The following TRPV1 variants were observed in gnomAD, a reference collection of about 807,000 sequenced individuals.
TRPV1 encodes the protein OTRPC1.
Under a neutral mutation model 82.3 loss-of-function variants are expected in TRPV1, and 82 were observed. That is an observed-to-expected ratio of 1.00 (90% CI 0.83 to 1.20). TRPV1 has a LOEUF of 1.20. Ranked by LOEUF, TRPV1 falls within the 50% of genes most tolerant of loss-of-function variation. TRPV1 has a pLI of 0.00. For missense variants in TRPV1, 1,067 were observed against 1,096.8 expected, an observed-to-expected ratio of 0.97 and a Z score of 0.38; for synonymous variants, 515 against 467.7, an observed-to-expected ratio of 1.10 and a Z score of -1.30.
Position 3,565,893 on chromosome 17 carries a change from C to T in TRPV1, c.*922G>A, listed in dbSNP as rs1038232233. 5 of 152,200 alleles carry T rather than the reference C, an allele frequency of 3.3e-5. No individual in the cohort carries two copies. The highest frequency in any genetic ancestry group is 5.9e-5 in the Non-Finnish European group (4 of 68,060). 9.4% of individuals were successfully genotyped at this position (152,200 alleles called of 1,614,324 possible). A position where few individuals can be genotyped will look rare whatever the true frequency, so the allele number is the denominator to read the frequency against. On this transcript the variant is annotated 3_prime_UTR_variant, in exon 17 of 17. Coordinates refer to ENST00000572705, the MANE Select transcript of TRPV1 (RefSeq NM_080704.4). ...CTAATAATATAAAATCAAAGAAGGCCGAGCGCAGCGGCTCACACCTGTAAT... is the reference window on the plus strand; with the variant it reads ...CTAATAATATAAAATCAAAGAAGGCTGAGCGCAGCGGCTCACACCTGTAAT...
chr17:3,577,538 C>T (rs2074950381), intron 12 of TRPV1, 60 bp downstream of exon 12: 1 of 1,533,358 alleles, frequency 6.5e-7, no homozygotes, highest in Non-Finnish European at 8.8e-7. Context: ...TTGGCCCCAT[C>T]TCACATGACC....
At chr17:3,575,593 C>T (rs1342033333) in intron 13 of TRPV1, among the ~76,000 whole-genome samples, 2 of 152,120 alleles carry the variant, frequency 1.3e-5, no homozygotes, top group African/African-American at 4.8e-5. Context: ...GAGAAACAGG[C>T]TAGTCACATA....
chr17:3,601,515 T>C, intron 2 of TRPV1, among the ~76,000 whole-genome samples: 1 of 151,680 alleles, frequency 6.6e-6, no homozygotes, highest in East Asian at 1.9e-4. Context: ...AGTACCCCAC[T>C]TAACCCATCT....
At chr17:3,570,381 A>G (rs963614182) in intron 16 of TRPV1, among the ~76,000 whole-genome samples, 1 of 152,034 alleles carries the variant, frequency 6.6e-6, no homozygotes, top group African/African-American at 2.4e-5. Flanking sequence ...GGAAAAAAAA[A>G]AAAAAAAGTT....
chr17:3,593,299 G>A (rs1166250620), intron 2 of TRPV1, among the ~76,000 whole-genome samples: 1 of 152,128 alleles, frequency 6.6e-6, no homozygotes, highest in African/African-American at 2.4e-5. Flanking sequence ...TGTATTTTTA[G>A]TAGAGACAGG....
chr17:3,572,989 A>G lies in TRPV1; in HGVS notation c.2103+644T>C, dbSNP rs1467342297. ...CAGAGTAAGACTCCATCTCAGAAAA[A>G]AAAAAAAAAAAAAAAAAAAAGGAAC... On this transcript the variant is annotated intron_variant, in intron 14 of 16. Coordinates refer to ENST00000572705, the MANE Select transcript of TRPV1 (RefSeq NM_080704.4). 2.9e-4 allele frequency among the ~76,000 whole-genome samples: 8 copies of G among 27,924 alleles called. No individual in the cohort carries two copies. In the South Asian group the frequency reaches 7.1e-3, roughly 25 times the overall value. The allele number at this position is 27,924 out of a possible 152,430, so 18.3% of individuals were successfully genotyped here.
chr17:3,588,427 C>T, intron 7 of TRPV1, 60 bp from the exon 8 acceptor site: 1 of 1,514,970 alleles, frequency 6.6e-7, no homozygotes, highest in Non-Finnish European at 8.9e-7. Context: ...TCAGACAGTA[C>T]CTCAACAACC....
intron 16 of TRPV1, 40 bp from the exon 17 acceptor site, chr17:3,567,027 C>T: frequency 6.2e-7 from 1 of 1,603,264 alleles, no homozygotes; most frequent in South Asian, 1.1e-5. Context: ...TGCAACAAAA[C>T]AAACATTCAC....
intron 9 of TRPV1, 83 bp from the exon 10 acceptor site, chr17:3,583,513 C>A (rs764341022): frequency 8.6e-7 from 1 of 1,167,530 alleles, no homozygotes; most frequent in Non-Finnish European, 1.2e-6. Flanking sequence ...AAGCCATAGT[C>A]CCTGCCCAGG....
At chr17:3,595,874 G>C (rs201805058) in intron 2 of TRPV1, 4 of 152,310 alleles carry the variant, frequency 2.6e-5, no homozygotes, top group African/African-American at 9.7e-5. Context: ...CAGGGAACGG[G>C]GTGGGACAGG....
intron 16 of TRPV1, among the ~76,000 whole-genome samples, chr17:3,567,696 C>T (rs1229277140): frequency 1.3e-5 from 2 of 150,928 alleles, no homozygotes; most frequent in African/African-American, 4.9e-5. Flanking sequence ...CTCTGGGTGA[C>T]GAGCACCAGC....
intron 14 of TRPV1, 95 bp downstream of exon 14, chr17:3,573,538 A>AC (rs1555548992): frequency 5.5e-4 from 136 of 248,646 alleles, no homozygotes; most frequent in Non-Finnish European, 8.7e-4. Context: ...CACCGCCCCC[A>AC]CCACCCACCC....
intron 14 of TRPV1, among the ~76,000 whole-genome samples, chr17:3,573,211 CCT>C (rs1178344450): frequency 1.3e-5 from 2 of 152,138 alleles, no homozygotes; most frequent in African/African-American, 4.8e-5. Context: ...TAGCTGCTCC[CCT>C]GAGTCTGGCC....
chr17:3,592,328 T>G lies in TRPV1; in HGVS notation c.23A>C (p.Asp8Ala), dbSNP rs766771259. The G allele has an allele frequency of 2.5e-6, 4 of 1,595,510 alleles. No homozygotes were observed. The highest frequency in any genetic ancestry group is 3.4e-6 in the Non-Finnish European group (4 of 1,170,758). Residue 8 changes from aspartate (D) to alanine (A), a missense_variant, in exon 3 of 17, where the codon GAC becomes GCC. Transcript: ENST00000572705. ...GAGTGGGTCCGCAGCTGCCCCCAAG[T>G]CTGTGCTGCTCCATTTCTTCATCCT... is the stretch of plus-strand genomic sequence containing the variant. MKKWSST[D>A]LGAAADPLQK...
rs1298366724 is a variant in TRPV1 at position 3,591,118 on chromosome 17, TGAAA to T, written c.452-6_452-3del. 1 of 1,611,698 alleles carries T rather than the reference TGAAA, an allele frequency of 6.2e-7. No individual in the cohort carries two copies. Among genetic ancestry groups the T allele is most frequent in the Non-Finnish European group, 8.5e-7 (1 of 1,179,076 alleles). On this transcript the variant is annotated splice_region_variant and splice_polypyrimidine_tract_variant and intron_variant, in intron 4 of 16. Transcript: ENST00000572705. The stretch of plus-strand genomic sequence containing the variant: ...GACAGGTCTTCCCTGTCTCAGGGTC[TGAAA>T]GACATAAGGGAGGGTCAGGGCAGGC...
At chr17:3,574,466 T>C (rs920667580) in intron 13 of TRPV1, among the ~76,000 whole-genome samples, 1 of 152,196 alleles carries the variant, frequency 6.6e-6, no homozygotes, top group African/African-American at 2.4e-5. Context: ...CTGTACCTAC[T>C]GAAATGCAGG....
Position 3,566,344 on chromosome 17 carries a change from ATT to A in TRPV1, c.*469_*470del, listed in dbSNP as rs1263652492. On this transcript the variant is annotated 3_prime_UTR_variant, in exon 17 of 17. Coordinates refer to ENST00000572705, the MANE Select transcript of TRPV1 (RefSeq NM_080704.4). ...CATATCTATTAAAAAAATACAAAAA[ATT>A]AGCCAGACATGGTGGCACGTGCCTG... 6.6e-6 allele frequency: 1 copy of A among 152,522 alleles called. No homozygotes were observed. Among genetic ancestry groups the A allele is most frequent in the South Asian group, 2.1e-4 (1 of 4,852 alleles). The allele number at this position is 152,522 out of a possible 1,614,324, so 9.4% of individuals were successfully genotyped here.
intron 2 of TRPV1, among the ~76,000 whole-genome samples, chr17:3,593,707 C>T (rs1566790): frequency 0.4 from 61,157 of 152,108 alleles, 15,803 homozygotes; most frequent in African/African-American, 0.74. Flanking sequence ...GCCCAGCCCA[C>T]TGACCGCCTG....
intron 14 of TRPV1, 22 bp downstream of exon 14, chr17:3,573,611 C>T (rs902742282): frequency 4.4e-6 from 7 of 1,596,220 alleles, no homozygotes; most frequent in African/African-American, 1.3e-5. Context: ...CCACTCACCA[C>T]CCCCCAACTC....
Sources: allele counts gnomAD v4.1 joint callset (sites outside exome capture counted in the v4.1 genomes callset), GRCh38; gene constraint gnomAD v4.1.1; transcripts MANE v1.5; gene names NCBI Gene and HGNC (gene_info 2026-07-23, HGNC 2026-07-21).